The following ANO2 variants were observed in gnomAD, a reference collection of about 807,000 sequenced individuals.
The protein encoded by ANO2 is anoctamin-2.
Under a neutral mutation model 124.2 loss-of-function variants are expected in ANO2, and 101 were observed. The ratio of observed to expected loss-of-function variants is 0.81; its 90% CI spans 0.69 to 0.96. The LOEUF is 0.96. ANO2 is among the 40% of genes least tolerant of loss of function. The probability of loss-of-function intolerance (pLI) is 0.00; values close to 1 mark genes in which losing one functional copy is unlikely to be tolerated. For synonymous variants in ANO2, 486 were observed against 482.5 expected (o/e 1.01, Z -0.09); for missense variants, 1,293 against 1,274.5 (o/e 1.01, Z -0.22).
rs1306828082 is a variant in ANO2, at chr12:5,636,425, T to C, written c.1621-1078A>G. 6.6e-6 allele frequency among the ~76,000 whole-genome samples: 1 copy of C among 152,098 alleles called. No individual in the cohort carries two copies. The highest frequency in any genetic ancestry group is 1.5e-5 in the Non-Finnish European group (1 of 68,022). On this transcript the variant is annotated intron_variant, in intron 15 of 24. Transcript: ENST00000682330. This position sits in a 1 kb window ranked among gnomAD's most constrained non-coding sequence, Gnocchi z 4.6. ...CAAATTCTAATTTGCTTCAGTCAAGTCAAGACTTCTTCAAGAAAGAAGACT... is the reference window on the plus strand; with the variant it reads ...CAAATTCTAATTTGCTTCAGTCAAGCCAAGACTTCTTCAAGAAAGAAGACT...
At chr12:5,865,682 C>G (rs1266641474) in intron 3 of ANO2, among the ~76,000 whole-genome samples, 1 of 151,928 alleles carries the variant, frequency 6.6e-6, no homozygotes, top group Non-Finnish European at 1.5e-5. Flanking sequence ...TTCACACTAT[C>G]ATGCCACCAC....
chr12:5,794,735 C>T (rs1393855391), intron 10 of ANO2, among the ~76,000 whole-genome samples: 1 of 152,212 alleles, frequency 6.6e-6, no homozygotes, highest in African/African-American at 2.4e-5. Context: ...ATAAGCTCTC[C>T]CTTCATCGTT....
chr12:5,647,708 G>C lies in ANO2; in HGVS notation c.1620+19C>G. 6.3e-7 allele frequency: 1 copy of C among 1,589,560 alleles called. No homozygotes were observed. Among genetic ancestry groups the C allele is most frequent in the Non-Finnish European group, 8.6e-7 (1 of 1,162,144 alleles). On this transcript the variant is annotated intron_variant, in intron 15 of 24. Coordinates refer to ENST00000682330, the MANE Select transcript of ANO2 (RefSeq NM_001364791.2). ...TACATGCATGCAGTCACAGGCAAGT[G>C]GTCCCTCAAGGAAATTACCATGAAT...
intron 4 of ANO2, among the ~76,000 whole-genome samples, chr12:5,835,159 G>C (rs910988876): frequency 6.6e-6 from 1 of 152,176 alleles, no homozygotes; most frequent in Non-Finnish European, 1.5e-5. Flanking sequence ...TACAGGAAAA[G>C]ATATTCTAGG....
intron 14 of ANO2, among the ~76,000 whole-genome samples, chr12:5,700,017 A>T (rs1402611345): frequency 6.6e-6 from 1 of 152,224 alleles, no homozygotes; most frequent in Non-Finnish European, 1.5e-5. Context: ...CACTGTCAAC[A>T]TTAGACAGAT....
chr12:5,923,086 A>G (rs1439965123), intron 1 of ANO2, among the ~76,000 whole-genome samples: 1 of 18,668 alleles, frequency 5.4e-5, no homozygotes, highest in Non-Finnish European at 6.6e-4. Context: ...ACACATACAC[A>G]CACACACGCA....
In ANO2 at chr12:5,905,664, C is replaced by T. The variant is rs146301894; in HGVS notation, c.534+15376G>A. 3.2e-3 allele frequency among the ~76,000 whole-genome samples: 489 copies of T among 152,252 alleles called. 4 individuals are homozygous for T. The highest frequency in any genetic ancestry group is 0.011 in the African/African-American group (464 of 41,540). On this transcript the variant is annotated intron_variant, in intron 3 of 24. Transcript: ENST00000682330. ...CGTCTTTTTTCTGAAGAGCCCATGA[C>T]AAATCCAAGTCCATGACAAAGTAAT...
At chr12:5,928,432 A>G (rs28521789) in intron 1 of ANO2, among the ~76,000 whole-genome samples, 17,842 of 81,690 alleles carry the variant, frequency 0.22, 5,670 homozygotes, top group East Asian at 0.75. Context: ...CTTCCTCACT[A>G]GTCTACTTTC....
chr12:5,572,649 T>C (rs1332589930), intron 23 of ANO2, among the ~76,000 whole-genome samples: 2 of 152,224 alleles, frequency 1.3e-5, no homozygotes, highest in Non-Finnish European at 1.5e-5. Flanking sequence ...AAGCCTTTAG[T>C]AGGGTCTCAA....
chr12:5,642,685 A>G (rs1409306479), intron 15 of ANO2, among the ~76,000 whole-genome samples: 1 of 152,062 alleles, frequency 6.6e-6, no homozygotes, highest in Admixed American at 6.6e-5. Flanking sequence ...AAGACCTCCT[A>G]TTAGGTGTTC....
intron 14 of ANO2, among the ~76,000 whole-genome samples, chr12:5,678,344 T>G (rs1948344775): frequency 6.6e-6 from 1 of 152,158 alleles, no homozygotes; most frequent in Non-Finnish European, 1.5e-5. Flanking sequence ...ACCAGAGATC[T>G]GGACAAGTGC....
chr12:5,829,201 C>G (rs1319708392), intron 6 of ANO2, among the ~76,000 whole-genome samples: 1 of 152,140 alleles, frequency 6.6e-6, no homozygotes, highest in Non-Finnish European at 1.5e-5. Context: ...ACTTATATGG[C>G]ATTGTATTAT....
chr12:5,747,137 C>A (rs540095103), intron 11 of ANO2, among the ~76,000 whole-genome samples: 1 of 152,210 alleles, frequency 6.6e-6, no homozygotes, highest in Non-Finnish European at 1.5e-5. Context: ...AAGAAGTGCA[C>A]GCTGGGCCCC....
At chr12:5,612,506 C>A in intron 19 of ANO2, 150 bp downstream of exon 19, 1 of 670,780 alleles carries the variant, frequency 1.5e-6, no homozygotes, top group South Asian at 1.9e-5. Flanking sequence ...AAAGTTTGCC[C>A]CATGGGGAAA....
intron 10 of ANO2, among the ~76,000 whole-genome samples, chr12:5,793,379 A>G (rs2137153010): frequency 6.6e-6 from 1 of 152,258 alleles, no homozygotes; most frequent in Non-Finnish European, 1.5e-5. Flanking sequence ...CAGCTATCCA[A>G]CTGTCTGGCC....
At chr12:5,727,202 G>C (rs1214704382) in intron 14 of ANO2, among the ~76,000 whole-genome samples, 7 of 152,070 alleles carry the variant, frequency 4.6e-5, no homozygotes, top group Non-Finnish European at 1.0e-4. Context: ...TTGCAAAAGT[G>C]AGTGAGTTCC....
chr12:5,563,568 T>C lies in ANO2; in HGVS notation c.2728A>G (p.Asn910Asp). ...ARLAFVIIFQ[N>D]LVMFLSVLVD... is the part of the protein sequence containing the mutation. ...AGGACGCTCAGGAACATCACGAGGT[T>C]CTGCAAAAAGCCAAGGAGAGAGGGG... The change falls in exon 25 of 25, where the codon AAC becomes GAC. Residue 910 changes from asparagine to aspartate, a missense_variant and splice_region_variant. Asn to Asp is a conservative substitution (Grantham distance 23). Coordinates refer to ENST00000682330, the MANE Select transcript of ANO2 (RefSeq NM_001364791.2). The C allele has an allele frequency of 6.2e-7, 1 of 1,613,702 alleles. No individual in the cohort carries two copies. The highest frequency in any genetic ancestry group is 8.5e-7 in the Non-Finnish European group (1 of 1,179,704).
chr12:5,796,349 C>T lies in ANO2; in HGVS notation c.1055+3158G>A, dbSNP rs111211671. Among the ~76,000 whole-genome samples the T allele has an allele frequency of 1.2e-3, 179 of 151,824 alleles. 4 individuals carry two copies. The highest frequency in any genetic ancestry group is 4.2e-3 in the African/African-American group (175 of 41,380). ...ACTCACACACTCATGCACGCTCACA[C>T]TCTCACACACACCCTCACATATACA... On this transcript the variant is annotated intron_variant, in intron 10 of 24. Transcript: ENST00000682330.
intron 14 of ANO2, among the ~76,000 whole-genome samples, chr12:5,691,018 G>A (rs1373762522): frequency 6.6e-6 from 1 of 152,122 alleles, no homozygotes; most frequent in Non-Finnish European, 1.5e-5. Flanking sequence ...TTAAAATGGA[G>A]AGACGGCCGG....
Sources: allele counts gnomAD v4.1 joint callset (sites outside exome capture counted in the v4.1 genomes callset), GRCh38; gene constraint gnomAD v4.1.1; non-coding constraint Gnocchi (gnomAD v3.1); transcripts MANE v1.5; gene names NCBI Gene and HGNC (gene_info 2026-07-23, HGNC 2026-07-21).